The following PTGR2 variants were observed in gnomAD, a reference collection of about 807,000 sequenced individuals.
PTGR2 encodes the protein 15-oxoprostaglandin 13-reductase.
A neutral mutation model predicts 43.4 loss-of-function variants in PTGR2; 32 were observed. The ratio of observed to expected loss-of-function variants is 0.74; its 90% CI spans 0.56 to 0.99. PTGR2 has a LOEUF of 0.99. PTGR2 is among the 50% of genes least tolerant of loss of function. The pLI, the probability that PTGR2 is intolerant of heterozygous loss-of-function variation, is 0.00. For missense variants in PTGR2, 373 were observed against 420.0 expected, an observed-to-expected ratio of 0.89 and a Z score of 0.98; for synonymous variants, 106 against 139.2, an observed-to-expected ratio of 0.76 and a Z score of 1.68.
chr14:73,883,784 C>A (rs990586253), intron 9 of PTGR2, among the ~76,000 whole-genome samples: 1 of 152,184 alleles, frequency 6.6e-6, no homozygotes, highest in African/African-American at 2.4e-5. Context: ...CCATGCCCGG[C>A]CTTCACTCAC....
At chr14:73,857,555 G>A (rs1055353381) in intron 1 of PTGR2, among the ~76,000 whole-genome samples, 4 of 151,354 alleles carry the variant, frequency 2.6e-5, no homozygotes, top group South Asian at 2.1e-4. Context: ...CAGAGGTTGC[G>A]GTGAGCTGAG....
rs1344655954 is a variant in PTGR2, at chr14:73,884,210, T to C, written c.*33T>C. ...AAATGTCATCAAGGCAATCATAGAT[T>C]TCTTTTCCATTTTGCATATTTTCAA... On this transcript the variant is annotated 3_prime_UTR_variant, in exon 10 of 10. Coordinates refer to ENST00000555661, the MANE Select transcript of PTGR2 (RefSeq NM_001146154.2). The C allele has an allele frequency of 6.7e-6, 9 of 1,336,340 alleles. No individual in the cohort carries two copies. In the South Asian group the frequency reaches 8.6e-5, roughly 13 times the overall value. 82.8% of individuals were successfully genotyped at this position (1,336,340 alleles called of 1,614,324 possible). A position where few individuals can be genotyped will look rare whatever the true frequency, so the allele number is the denominator to read the frequency against.
intron 4 of PTGR2, 107 bp downstream of exon 4, chr14:73,874,321 T>C: frequency 4.2e-6 from 4 of 944,758 alleles, no homozygotes; most frequent in Non-Finnish European, 6.2e-6. Context: ...AAGCATATAT[T>C]TTCTTTTAGC....
At chr14:73,879,645 T>TTGCATAGAGA (rs11281736) in intron 6 of PTGR2, 7 of 299,668 alleles carry the variant, frequency 2.3e-5, no homozygotes, top group South Asian at 4.4e-5. Context: ...GCCCCAGACC[T>TTGCATAGAGA]ATGGGTTTCA....
chr14:73,856,610 ATACT>A (rs1207395865), intron 1 of PTGR2, among the ~76,000 whole-genome samples: 5 of 152,180 alleles, frequency 3.3e-5, no homozygotes, highest in Non-Finnish European at 5.9e-5. Flanking sequence ...AGATACACAA[ATACT>A]TACCATCGTG....
chr14:73,877,298 C>CTCTGTCTCAAAAA, intron 5 of PTGR2, 130 bp downstream of exon 5: 1 of 829,500 alleles, frequency 1.2e-6, no homozygotes, highest in Non-Finnish European at 1.8e-6. Flanking sequence ...TTTTTTGAGA[C>CTCTGTCTCAAAAA]AGAGTCTCCA....
intron 3 of PTGR2, among the ~76,000 whole-genome samples, chr14:73,871,599 A>G (rs1331857794): frequency 6.6e-6 from 1 of 151,990 alleles, no homozygotes; most frequent in Non-Finnish European, 1.5e-5. Context: ...TGAGATTGGC[A>G]TCTGAAGTAG....
chr14:73,866,067 T>C (rs887239048), intron 3 of PTGR2, among the ~76,000 whole-genome samples: 1 of 151,964 alleles, frequency 6.6e-6, no homozygotes, highest in African/African-American at 2.4e-5. Context: ...AGTGGCGCTA[T>C]CTTGGCTCAC....
At chr14:73,878,840 G>T in intron 5 of PTGR2, 1 of 439,396 alleles carries the variant, frequency 2.3e-6, no homozygotes, top group Non-Finnish European at 4.1e-6. Flanking sequence ...ACTAATGATG[G>T]TTTTATTGGG....
At chr14:73,882,501 T>C in intron 9 of PTGR2, 63 bp downstream of exon 9, 1 of 1,127,840 alleles carries the variant, frequency 8.9e-7, no homozygotes. Context: ...GTCTCTTTAT[T>C]TTTATTTATT....
chr14:73,875,939 G>T (rs557660978), intron 4 of PTGR2, among the ~76,000 whole-genome samples: 1 of 148,994 alleles, frequency 6.7e-6, no homozygotes, highest in East Asian at 2.0e-4. Flanking sequence ...CTCTGCCTCA[G>T]CCTTCTGAGT....
intron 1 of PTGR2, among the ~76,000 whole-genome samples, chr14:73,856,585 A>G (rs2054352635): frequency 6.6e-6 from 1 of 151,968 alleles, no homozygotes; most frequent in African/African-American, 2.4e-5. Flanking sequence ...TTTTTACTGT[A>G]CTTTTTCTAT....
At chr14:73,853,449 A>G (rs1225514667) in intron 1 of PTGR2, among the ~76,000 whole-genome samples, 3 of 151,448 alleles carry the variant, frequency 2.0e-5, no homozygotes, top group African/African-American at 7.3e-5. Context: ...CAGCCTCCAG[A>G]GTAGCTGGGA....
intron 3 of PTGR2, among the ~76,000 whole-genome samples, chr14:73,862,597 C>G (rs1180371163): frequency 6.6e-6 from 1 of 152,270 alleles, no homozygotes; most frequent in Admixed American, 6.5e-5. Context: ...TATTGATCTG[C>G]TGTCTAGGTA....
chr14:73,856,698 A>G (rs941114198), intron 1 of PTGR2, among the ~76,000 whole-genome samples: 3 of 152,268 alleles, frequency 2.0e-5, no homozygotes, highest in East Asian at 1.9e-4. Context: ...AAGCTAAACC[A>G]TATCACCTAG....
intron 1 of PTGR2, among the ~76,000 whole-genome samples, chr14:73,854,706 T>C (rs867016513): frequency 6.6e-6 from 1 of 152,244 alleles, no homozygotes; most frequent in African/African-American, 2.4e-5. Context: ...TAAGGACTTT[T>C]AGACCCACTT....
In PTGR2 at chr14:73,884,242, G is replaced by A; in HGVS notation, c.*65G>A. 2.8e-6 allele frequency: 3 copies of A among 1,064,810 alleles called. No individual in the cohort carries two copies. Among genetic ancestry groups the A allele is most frequent in the Non-Finnish European group, 4.3e-6 (3 of 705,306 alleles). 66.0% of individuals were successfully genotyped at this position (1,064,810 alleles called of 1,614,324 possible). A position where few individuals can be genotyped will look rare whatever the true frequency, so the allele number is the denominator to read the frequency against. ...CCATTTTGCATATTTTCAAAGATAT[G>A]TTAAAAAATCCTTAGACTATACATA... On this transcript the variant is annotated 3_prime_UTR_variant, in exon 10 of 10. Transcript: ENST00000555661.
intron 3 of PTGR2, among the ~76,000 whole-genome samples, chr14:73,873,664 A>G (rs2054788762): frequency 1.3e-5 from 2 of 151,188 alleles, no homozygotes; most frequent in East Asian, 1.9e-4. Context: ...GGGTTTCACC[A>G]TGTTGGCCAG....
At chr14:73,869,344 G>A (rs929132896) in intron 3 of PTGR2, among the ~76,000 whole-genome samples, 4 of 151,874 alleles carry the variant, frequency 2.6e-5, no homozygotes, top group African/African-American at 4.8e-5. Flanking sequence ...AACCATCCTG[G>A]GCAACACAGA....
Sources: allele counts gnomAD v4.1 joint callset (sites outside exome capture counted in the v4.1 genomes callset), GRCh38; gene constraint gnomAD v4.1.1; transcripts MANE v1.5; gene names NCBI Gene and HGNC (gene_info 2026-07-23, HGNC 2026-07-21).